SARDH: variants seen among roughly 807,000 people sequenced by gnomAD.
SARDH encodes the protein sarcosine dehydrogenase.
Under a neutral mutation model 109.1 loss-of-function variants are expected in SARDH, and 95 were observed. The observed-to-expected ratio is 0.87, with a 90% CI of 0.74 to 1.03. The LOEUF (loss-of-function observed/expected upper bound fraction) is 1.03, where lower values mean the gene tolerates loss of function less well. SARDH is among the 50% of genes least tolerant of loss of function. The pLI is 0.00. For missense variants in SARDH, 1,267 were observed against 1,287.8 expected, an observed-to-expected ratio of 0.98 and a Z score of 0.25; for synonymous variants, 572 against 534.8, an observed-to-expected ratio of 1.07 and a Z score of -0.96.
chr9:133,714,472 C>T (rs522673), intron 8 of SARDH, among the ~76,000 whole-genome samples: 35,068 of 152,110 alleles, frequency 0.23, 4,230 homozygotes, highest in Admixed American at 0.29. Context: ...GAGAAGGTGA[C>T]GATGGGGCAG....
chr9:133,697,436 T>C (rs745799685), intron 13 of SARDH, among the ~76,000 whole-genome samples: 1 of 152,200 alleles, frequency 6.6e-6, no homozygotes, highest in Non-Finnish European at 1.5e-5. Flanking sequence ...GAGGCCAGCA[T>C]TACCCTGATG....
chr9:133,726,394 A>ATAATAATAGTAGTAG (rs59172198), intron 6 of SARDH, among the ~76,000 whole-genome samples: 1 of 132,338 alleles, frequency 7.6e-6, no homozygotes, highest in Non-Finnish European at 1.6e-5. Context: ...AATAATAATA[A>ATAATAATAGTAGTAG]TAGTAGTAGT....
chr9:133,661,777 G>A (rs376511346), downstream of SARDH, among the ~76,000 whole-genome samples: 7 of 152,108 alleles, frequency 4.6e-5, no homozygotes, highest in Non-Finnish European at 8.8e-5. Context: ...CACTGCGCCC[G>A]GCCAGTGTAG....
In SARDH at chr9:133,712,987, A is replaced by G; in HGVS notation, c.1237+51T>C. On this transcript the variant is annotated intron_variant, in intron 9 of 20. Transcript: ENST00000439388. This position sits in a 1 kb window ranked among gnomAD's most constrained non-coding sequence, Gnocchi z 4.1. ...CGCCCGCCTCCCCCAGAGCTCTGGG[A>G]ATGACAGGACCTCCCTCTTGGGGGC... The G allele has an allele frequency of 6.5e-7, 1 of 1,540,206 alleles. No homozygotes were observed. The highest frequency in any genetic ancestry group is 8.8e-7 in the Non-Finnish European group (1 of 1,129,996).
At chr9:133,722,642 G>GCGCTCTCTCTCTCTCTCTCT (rs1554758527) in intron 6 of SARDH, among the ~76,000 whole-genome samples, 2 of 145,748 alleles carry the variant, frequency 1.4e-5, no homozygotes, top group South Asian at 4.4e-4. Flanking sequence ...AACTACTAGC[G>GCGCTCTCTCTCTCTCTCTCT]CTCTCTCTCT....
rs1480212337 is a variant in SARDH at position 133,704,451 on chromosome 9, AGAGGACGCCCAGAGTC to A, written c.1554+481_1554+496del. 1.4e-4 allele frequency among the ~76,000 whole-genome samples: 21 copies of A among 152,302 alleles called. No individual in the cohort carries two copies. Among genetic ancestry groups the A allele is most frequent in the African/African-American group, 5.1e-4 (21 of 41,566 alleles). On this transcript the variant is annotated intron_variant, in intron 12 of 20. Coordinates refer to ENST00000439388, the MANE Select transcript of SARDH (RefSeq NM_001134707.2). This position sits in a 1 kb window ranked among gnomAD's most constrained non-coding sequence, Gnocchi z 4.5. ...AGGACCCAGGTCCCTGGGAGTCCCC[AGAGGACGCCCAGAGTC>A]CAGGCCACTGTGAAACCTCCACTGG...
chr9:133,695,722 T>C (rs1015524995), intron 14 of SARDH, among the ~76,000 whole-genome samples: 1 of 42,366 alleles, frequency 2.4e-5, no homozygotes, highest in Non-Finnish European at 4.3e-5. Context: ...TGGGGACGCA[T>C]GAGCTGTTGG....
chr9:133,680,351 C>T (rs1161289770), intron 17 of SARDH, among the ~76,000 whole-genome samples: 1 of 152,142 alleles, frequency 6.6e-6, no homozygotes, highest in African/African-American at 2.4e-5. Context: ...ACTCAACTCC[C>T]ATCTCCCACC....
chr9:133,732,378 A>AACCCCCCCCCCTTC, intron 3 of SARDH, 45 bp downstream of exon 3: 3 of 214,080 alleles, frequency 1.4e-5, no homozygotes, highest in South Asian at 5.9e-5. Context: ...GAGTGCACCC[A>AACCCCCCCCCCTTC]CCCACCCAAG....
At chr9:133,661,283 T>G (rs1192200288), downstream of SARDH, among the ~76,000 whole-genome samples, 2 of 151,248 alleles carry the variant, frequency 1.3e-5, no homozygotes, top group African/African-American at 4.9e-5. Context: ...GAGGTTGTAG[T>G]GAGCTGAGAT....
chr9:133,661,522 C>T (rs994287156), downstream of SARDH, among the ~76,000 whole-genome samples: 1 of 151,850 alleles, frequency 6.6e-6, no homozygotes, highest in Admixed American at 6.6e-5. Flanking sequence ...CCTCTTGTTG[C>T]CCAGGCTGGA....
rs1281709973 is a variant in SARDH at position 133,692,191 on chromosome 9, A to C, written c.1922-1664T>G. 6.6e-6 allele frequency among the ~76,000 whole-genome samples: 1 copy of C among 151,884 alleles called. No homozygotes were observed. The highest frequency in any genetic ancestry group is 1.5e-5 in the Non-Finnish European group (1 of 67,948). Reference sequence around the variant, plus strand: ...CCGGGAGGCGCGTCTTCCTCACTCCATTCCACCAATGGGGGAAACTGAGGC... The same window carrying C: ...CCGGGAGGCGCGTCTTCCTCACTCCCTTCCACCAATGGGGGAAACTGAGGC... On this transcript the variant is annotated intron_variant, in intron 15 of 20. Coordinates refer to ENST00000439388, the MANE Select transcript of SARDH (RefSeq NM_001134707.2). This position sits in a 1 kb window ranked among gnomAD's most constrained non-coding sequence, Gnocchi z 5.0.
intron 2 of SARDH, 72 bp from the exon 3 acceptor site, chr9:133,732,673 G>A (rs1832730609): frequency 6.7e-7 from 1 of 1,487,124 alleles, no homozygotes; most frequent in Non-Finnish European, 9.0e-7. Flanking sequence ...CGAATATCAG[G>A]GGATACCCTG....
intron 8 of SARDH, among the ~76,000 whole-genome samples, chr9:133,715,680 G>C (rs556718160): frequency 3.8e-4 from 58 of 152,254 alleles, no homozygotes; most frequent in African/African-American, 1.3e-3. Flanking sequence ...TCCGCTCCCT[G>C]CATGGCCCGT....
chr9:133,729,829 A>G lies in SARDH; in HGVS notation c.851T>C (p.Val284Ala). ...WASAVGRMAG[V>A]KVPLVAMHHA... is the part of the protein sequence containing the mutation. Reference sequence around the variant, plus strand: ...GTGCATGGCCACCAGCGGGACCTTGACTCCAGCCATCCGGCCCACAGCACT... The same window carrying G: ...GTGCATGGCCACCAGCGGGACCTTGGCTCCAGCCATCCGGCCCACAGCACT... The change falls in exon 6 of 21, where the codon GTC (valine) becomes GCC (alanine). Residue 284 changes from valine (V) to alanine (A), a missense_variant. Val to Ala is a moderately conservative substitution (Grantham distance 64). Coordinates refer to ENST00000439388, the MANE Select transcript of SARDH (RefSeq NM_001134707.2). The G allele has an allele frequency of 6.2e-7, 1 of 1,612,098 alleles. No individual in the cohort carries two copies.
At chr9:133,665,183 G>A (rs1222987306) in intron 20 of SARDH, among the ~76,000 whole-genome samples, 3 of 152,128 alleles carry the variant, frequency 2.0e-5, no homozygotes, top group Non-Finnish European at 2.9e-5. Context: ...CTGGTTCCCC[G>A]GCTGCCTGTC....
chr9:133,660,022 A>G (rs1327682419), downstream of SARDH, among the ~76,000 whole-genome samples: 1 of 152,008 alleles, frequency 6.6e-6, no homozygotes, highest in Non-Finnish European at 1.5e-5. Flanking sequence ...TGGGAATCCT[A>G]GCCAGCTCTG....
chr9:133,662,295 C>T (rs3025439), downstream of SARDH, among the ~76,000 whole-genome samples: 4,407 of 152,264 alleles, frequency 0.029, 108 homozygotes, highest in South Asian at 0.11. This position sits in a 1 kb window ranked among gnomAD's most constrained non-coding sequence, Gnocchi z 5.1. Flanking sequence ...CTCCCCTCAT[C>T]CTCAGCCTTC....
intron 11 of SARDH, among the ~76,000 whole-genome samples, chr9:133,707,610 C>G (rs1831738802): frequency 6.6e-6 from 1 of 152,176 alleles, no homozygotes; most frequent in Admixed American, 6.5e-5. Context: ...TCCATCTGTT[C>G]AACAAACATC....
Sources: gnomAD v4.1 joint callset for allele counts (sites outside exome capture counted in the v4.1 genomes callset) on GRCh38, gnomAD v4.1.1 for gene constraint, Gnocchi (gnomAD v3.1) non-coding constraint, MANE v1.5 for transcripts, NCBI Gene and HGNC (gene_info 2026-07-23, HGNC 2026-07-21) for gene names.